The following GABRR1 variants were observed in gnomAD, a reference collection of about 807,000 sequenced individuals.
The protein encoded by GABRR1 is gamma-aminobutyric acid type A receptor subunit rho1.
A neutral mutation model predicts 55.5 loss-of-function variants in GABRR1; 59 were observed. That is an observed-to-expected ratio of 1.06 (90% CI 0.86 to 1.32). The LOEUF (loss-of-function observed/expected upper bound fraction) is 1.32. Among genes scored for constraint, GABRR1 ranks in the 40% most tolerant of loss-of-function variants. GABRR1 has a pLI of 0.00. For synonymous variants in GABRR1, 213 were observed against 226.0 expected (o/e 0.94, Z 0.51); for missense variants, 602 against 619.1 (o/e 0.97, Z 0.29).
chr6:89,223,038 C>T (rs948332773), intron 1 of GABRR1, among the ~76,000 whole-genome samples: 1 of 151,940 alleles, frequency 6.6e-6, no homozygotes, highest in Non-Finnish European at 1.5e-5. Flanking sequence ...AATCAATGTC[C>T]TTGTCTAGAT....
chr6:89,204,952 C>T lies in GABRR1; in HGVS notation c.123-1467G>A, dbSNP rs578247977. On this transcript the variant is annotated intron_variant, in intron 1 of 9. Transcript: ENST00000454853. ...TATAATATATCATGGAATTTTTTTG[C>T]GTCATTGGCATCTTTTCACCATCTG... Among the ~76,000 whole-genome samples, 8 of 152,044 alleles carry T rather than the reference C, an allele frequency of 5.3e-5. No homozygotes were observed. In the South Asian group the frequency reaches 6.2e-4, roughly 12 times the overall value.
chr6:89,205,985 A>G (rs1772629096), intron 1 of GABRR1, among the ~76,000 whole-genome samples: 1 of 148,712 alleles, frequency 6.7e-6, no homozygotes, highest in Admixed American at 6.8e-5. Context: ...ATAGGGCTAC[A>G]TTTTTCTGAT....
At chr6:89,204,470 T>TGCAAG (rs1772581110) in intron 1 of GABRR1, 1 of 328,304 alleles carries the variant, frequency 3.0e-6, no homozygotes, top group Non-Finnish European at 5.6e-6. Context: ...TGGATCCCTG[T>TGCAAG]GGACCCTCAA....
upstream of GABRR1, among the ~76,000 whole-genome samples, chr6:89,218,382 G>C (rs903534445): frequency 6.6e-6 from 1 of 152,182 alleles, no homozygotes; most frequent in African/African-American, 2.4e-5. Flanking sequence ...TTGAAATGCA[G>C]TTGTTTTAAG....
At chr6:89,230,920 A>G (rs201124787) in intron 1 of GABRR1, among the ~76,000 whole-genome samples, 10 of 150,756 alleles carry the variant, frequency 6.6e-5, no homozygotes, top group East Asian at 1.9e-4. Context: ...GCGAGATTCC[A>G]TGGGCGTAGG....
chr6:89,193,596 G>T (rs563103973), intron 5 of GABRR1, among the ~76,000 whole-genome samples: 1 of 152,196 alleles, frequency 6.6e-6, no homozygotes, highest in South Asian at 2.1e-4. Flanking sequence ...ACTTCTACAG[G>T]CTTTCGGGAG....
upstream of GABRR1, among the ~76,000 whole-genome samples, chr6:89,220,489 T>C (rs914479): frequency 0.38 from 58,206 of 152,046 alleles, 11,783 homozygotes; most frequent in African/African-American, 0.48. Context: ...CATGAGAACT[T>C]AGAAAGTCAT....
chr6:89,203,562 C>T lies in GABRR1; in HGVS notation c.123-77G>A, dbSNP rs1480337607. 49 of 1,057,112 alleles carry T rather than the reference C, an allele frequency of 4.6e-5. No individual in the cohort carries two copies. In the East Asian group the frequency reaches 1.2e-3, roughly 25 times the overall value. 65.5% of individuals were successfully genotyped at this position (1,057,112 alleles called of 1,614,324 possible). Reference sequence around the variant, plus strand: ...GATCAACCAAGCACCCCTCTCCCTCCAGATTTGCTTCAAATCTATCCAGAA... The same window carrying T: ...GATCAACCAAGCACCCCTCTCCCTCTAGATTTGCTTCAAATCTATCCAGAA... On this transcript the variant is annotated intron_variant, in intron 1 of 9. Transcript: ENST00000454853.
intron 9 of GABRR1, among the ~76,000 whole-genome samples, chr6:89,180,040 T>G (rs754743312): frequency 3.0e-4 from 46 of 151,900 alleles, no homozygotes; most frequent in Non-Finnish European, 5.1e-4. Context: ...TCCCTAACAC[T>G]TAACTAAGAC....
At chr6:89,180,714 C>G (rs893721063) in intron 8 of GABRR1, among the ~76,000 whole-genome samples, 1 of 152,190 alleles carries the variant, frequency 6.6e-6, no homozygotes, top group African/African-American at 2.4e-5. Flanking sequence ...TCTGCATACC[C>G]TGTGTATTCA....
At chr6:89,219,540 A>G (rs1249791439), upstream of GABRR1, among the ~76,000 whole-genome samples, 1 of 152,342 alleles carries the variant, frequency 6.6e-6, no homozygotes, top group East Asian at 1.9e-4. Context: ...CAAACTTTGA[A>G]ATGAGCAAAA....
intron 7 of GABRR1, 113 bp from the exon 8 acceptor site, chr6:89,182,170 T>C (rs968027523): frequency 2.1e-6 from 2 of 967,746 alleles, no homozygotes; most frequent in Non-Finnish European, 3.0e-6. Flanking sequence ...TATCATGTCT[T>C]TATAAGGTGA....
intron 1 of GABRR1, among the ~76,000 whole-genome samples, chr6:89,203,864 A>G (rs779974203): frequency 2.0e-4 from 30 of 152,232 alleles, no homozygotes; most frequent in South Asian, 2.1e-4. Context: ...GGTGAACTGC[A>G]TCACTTGAGC....
chr6:89,213,719 T>C (rs925732899), intron 1 of GABRR1, among the ~76,000 whole-genome samples: 3 of 152,248 alleles, frequency 2.0e-5, no homozygotes, highest in Non-Finnish European at 2.9e-5. Flanking sequence ...GCAGACTATA[T>C]GCATGGCATA....
chr6:89,218,505 A>G (rs1773059894), upstream of GABRR1, among the ~76,000 whole-genome samples: 1 of 152,236 alleles, frequency 6.6e-6, no homozygotes, highest in South Asian at 2.1e-4. Context: ...TTCTTAAATT[A>G]TATATGATTC....
chr6:89,216,736 A>G (rs1231821035), intron 1 of GABRR1, among the ~76,000 whole-genome samples: 3 of 152,234 alleles, frequency 2.0e-5, no homozygotes, highest in Non-Finnish European at 4.4e-5. Flanking sequence ...CTAGTCACAC[A>G]GCTTGGAGAA....
At chr6:89,204,244 A>G (rs1772572042) in intron 1 of GABRR1, among the ~76,000 whole-genome samples, 1 of 152,092 alleles carries the variant, frequency 6.6e-6, no homozygotes, top group South Asian at 2.1e-4. Flanking sequence ...CCAGGACTCG[A>G]CTGATGCACA....
In GABRR1 at chr6:89,198,079, G is replaced by A. The variant is rs749220392; in HGVS notation, c.513C>T (p.Thr171=). ...CCCGCAACATGACGTTGTCTGTGGT[G>A]GTGTCGTGGATGAAGGAGCGTTTGG... ...VHSKRSFIHD[T]TTDNVMLRVQ... is the part of the protein sequence containing the mutation. The change falls in exon 5 of 10, where the codon ACC becomes ACT. Residue 171 remains threonine (T), a synonymous_variant. Coordinates refer to ENST00000454853, the MANE Select transcript of GABRR1 (RefSeq NM_002042.5). The A allele has an allele frequency of 1.1e-5, 18 of 1,614,092 alleles. No homozygotes were observed. In the East Asian group the frequency reaches 4.0e-4, roughly 36 times the overall value.
intron 1 of GABRR1, among the ~76,000 whole-genome samples, chr6:89,210,877 T>C (rs1772813762): frequency 6.6e-6 from 1 of 151,834 alleles, no homozygotes; most frequent in Non-Finnish European, 1.5e-5. Flanking sequence ...GGTGGAGAGC[T>C]GCAGAAGCTC....
Sources: allele counts gnomAD v4.1 joint callset (sites outside exome capture counted in the v4.1 genomes callset), GRCh38; gene constraint gnomAD v4.1.1; transcripts MANE v1.5; gene names NCBI Gene and HGNC (gene_info 2026-07-23, HGNC 2026-07-21).